Variants in GRK3 observed in about 807,000 individuals in gnomAD.
GRK3 encodes adrenergic, beta, receptor kinase 2.
In GRK3, 54 loss-of-function variants were observed where a neutral mutation model predicts 95.7. That is an observed-to-expected ratio of 0.56 (90% CI 0.45 to 0.71). The LOEUF is 0.71. Ranked by LOEUF, GRK3 falls within the 30% of genes least tolerant of loss-of-function variation. GRK3 has a pLI of 0.00. For synonymous variants in GRK3, 281 were observed against 290.8 expected (o/e 0.97, Z 0.34); for missense variants, 649 against 851.2 (o/e 0.76, Z 2.96).
intron 6 of GRK3, 78 bp from the exon 7 acceptor site, chr22:25,672,217 AG>A (rs1428501785): frequency 1.4e-6 from 1 of 710,088 alleles, no homozygotes; most frequent in Non-Finnish European, 2.4e-6. Flanking sequence ...ATGCCGTTCT[AG>A]TCTGTCTTAC....
intron 15 of GRK3, among the ~76,000 whole-genome samples, chr22:25,706,495 G>A (rs1041319648): frequency 2.0e-5 from 3 of 151,824 alleles, no homozygotes; most frequent in African/African-American, 4.8e-5. Flanking sequence ...TCTCTCTCTC[G>A]TGGTGGATTT....
intron 17 of GRK3, among the ~76,000 whole-genome samples, chr22:25,712,996 G>C (rs962805105): frequency 6.6e-6 from 1 of 152,156 alleles, no homozygotes; most frequent in Non-Finnish European, 1.5e-5. Flanking sequence ...TTAAAAGGGT[G>C]GGGGAAAACT....
intron 8 of GRK3, among the ~76,000 whole-genome samples, chr22:25,677,098 T>C (rs2085036052): frequency 6.6e-6 from 1 of 152,204 alleles, no homozygotes; most frequent in African/African-American, 2.4e-5. Flanking sequence ...CAGTGGCTCA[T>C]GCCTGTAATC....
Position 25,722,492 on chromosome 22 carries a change from GT to G in GRK3, c.*43del, listed in dbSNP as rs777062543. The G allele has an allele frequency of 6.2e-7, 1 of 1,602,326 alleles. No homozygotes were observed. Among genetic ancestry groups the G allele is most frequent in the East Asian group, 2.2e-5 (1 of 44,678 alleles). ...GGGTCCTCGAGGAGGACACACCAGG[GT>G]CTCAGCCTTTTGGGGTGAACGAGGA... On this transcript the variant is annotated 3_prime_UTR_variant, in exon 21 of 21. Transcript: ENST00000324198.
At chr22:25,641,443 T>G (rs1194011092) in intron 2 of GRK3, among the ~76,000 whole-genome samples, 1 of 152,190 alleles carries the variant, frequency 6.6e-6, no homozygotes, top group Non-Finnish European at 1.5e-5. Flanking sequence ...CTTGTGCAAA[T>G]GTAGTAGAGA....
intron 10 of GRK3, among the ~76,000 whole-genome samples, chr22:25,685,601 G>A (rs1463832439): frequency 6.6e-6 from 1 of 152,122 alleles, no homozygotes; most frequent in Non-Finnish European, 1.5e-5. Flanking sequence ...TAAGAATATA[G>A]GCCAAAGATA....
intron 8 of GRK3, among the ~76,000 whole-genome samples, chr22:25,675,556 A>G (rs772806254): frequency 3.3e-5 from 5 of 152,222 alleles, no homozygotes; most frequent in African/African-American, 4.8e-5. Context: ...AGTTTGGTTA[A>G]GTGCCAGGCA....
chr22:25,633,324 A>C (rs1471897074), intron 2 of GRK3, among the ~76,000 whole-genome samples: 1 of 151,994 alleles, frequency 6.6e-6, no homozygotes, highest in African/African-American at 2.4e-5. Flanking sequence ...CCATTTATTG[A>C]TTTTTTACAA....
chr22:25,574,458 C>G (rs1455367069), intron 1 of GRK3, among the ~76,000 whole-genome samples: 1 of 152,216 alleles, frequency 6.6e-6, no homozygotes, highest in African/African-American at 2.4e-5. Flanking sequence ...TGTCACTGCA[C>G]TGCAGCCTGA....
intron 9 of GRK3, among the ~76,000 whole-genome samples, chr22:25,679,790 C>G (rs916948131): frequency 1.8e-4 from 28 of 152,172 alleles, no homozygotes; most frequent in African/African-American, 4.8e-4. Context: ...AACTGTGTAC[C>G]CCACATGTGA....
Position 25,678,819 on chromosome 22 carries a change from T to C in GRK3, c.651T>C (p.Tyr217=). 2 of 1,557,912 alleles carry C rather than the reference T, an allele frequency of 1.3e-6. No homozygotes were observed. The highest frequency in any genetic ancestry group is 1.8e-6 in the Non-Finnish European group (2 of 1,137,446). ...GCRKADTGKM[Y]AMKCLDKKRI... ...TTCAATAAATTTATGTTTCTAGGTA[T>C]GCAATGAAATGCTTAGATAAGAAGA... The change falls in exon 9 of 21, where the codon TAT becomes TAC. Residue 217 remains tyrosine (Y), a synonymous_variant. Transcript: ENST00000324198.
At chr22:25,670,465 C>T (rs2084971940) in intron 6 of GRK3, among the ~76,000 whole-genome samples, 2 of 151,960 alleles carry the variant, frequency 1.3e-5, no homozygotes, top group Admixed American at 6.5e-5. Flanking sequence ...TGCACCACTG[C>T]ACTCCGGCCT....
intron 5 of GRK3, among the ~76,000 whole-genome samples, chr22:25,667,245 TATTA>T (rs2084948313): frequency 6.6e-6 from 1 of 152,226 alleles, no homozygotes; most frequent in Non-Finnish European, 1.5e-5. Flanking sequence ...TTCATGGACC[TATTA>T]GCTTTGAGTT....
chr22:25,659,909 C>T (rs902292837), intron 3 of GRK3, among the ~76,000 whole-genome samples: 1 of 152,172 alleles, frequency 6.6e-6, no homozygotes. Context: ...ACAGAATGAG[C>T]ATTTGTTTAA....
At chr22:25,668,928 G>A (rs945445412) in intron 6 of GRK3, among the ~76,000 whole-genome samples, 6 of 152,148 alleles carry the variant, frequency 3.9e-5, no homozygotes, top group African/African-American at 1.2e-4. Context: ...AGTGATTTTC[G>A]CTCATTGAGA....
At chr22:25,718,424 A>G (rs2085404193) in intron 19 of GRK3, 43 bp downstream of exon 19, 1 of 1,602,738 alleles carries the variant, frequency 6.2e-7, no homozygotes, top group Non-Finnish European at 8.5e-7. Flanking sequence ...CCCAGTACGT[A>G]CAATGGCATA....
rs1314789664 is a variant in GRK3, at chr22:25,564,793, C to G, written c.-248C>G. On this transcript the variant is annotated 5_prime_UTR_variant, in exon 1 of 21. Transcript: ENST00000324198. ...GAAGGAGCAGGGGGCGGCGCGCGTG[C>G]GCGGGGCGCCGGGCGGCGCGCGAGG... The G allele has an allele frequency of 6.7e-6, 1 of 148,270 alleles. No individual in the cohort carries two copies. Among genetic ancestry groups the G allele is most frequent in the Non-Finnish European group, 1.5e-5 (1 of 66,714 alleles). The allele number at this position is 148,270 out of a possible 1,614,324, so 9.2% of individuals were successfully genotyped here.
chr22:25,575,570 A>G (rs756502757), intron 1 of GRK3, among the ~76,000 whole-genome samples: 5 of 152,208 alleles, frequency 3.3e-5, no homozygotes, highest in Non-Finnish European at 7.3e-5. Flanking sequence ...CGTGTTTATT[A>G]CAGTGGATGG....
chr22:25,678,825 G>T lies in GRK3; in HGVS notation c.657G>T (p.Met219Ile). Residue 219 changes from methionine to isoleucine, a missense_variant, in exon 9 of 21, where the codon ATG becomes ATT. By Grantham distance (10) the Met-to-Ile change is conservative. Coordinates refer to ENST00000324198, the MANE Select transcript of GRK3 (RefSeq NM_005160.4). ...AAATTTATGTTTCTAGGTATGCAAT[G>T]AAATGCTTAGATAAGAAGAGGATCA... ...RKADTGKMYAMKCLDKKRIKM... is the reference protein window; with the variant it reads ...RKADTGKMYAIKCLDKKRIKM... The T allele has an allele frequency of 6.3e-7, 1 of 1,584,628 alleles. No homozygotes were observed. The highest frequency in any genetic ancestry group is 1.1e-5 in the South Asian group (1 of 87,708).
Sources: allele counts gnomAD v4.1 joint callset (sites outside exome capture counted in the v4.1 genomes callset), GRCh38; gene constraint gnomAD v4.1.1; transcripts MANE v1.5; gene names NCBI Gene and HGNC (gene_info 2026-07-23, HGNC 2026-07-21).